LBHD1: variants seen among roughly 807,000 people sequenced by gnomAD.
LBHD1 encodes the protein LBH domain-containing protein 1.
LBHD1 carries 28 observed loss-of-function variants against 31.1 expected under a neutral mutation model. That is an observed-to-expected ratio of 0.90 (90% CI 0.67 to 1.24). LBHD1 has a LOEUF of 1.24. Ranked by LOEUF, LBHD1 falls within the 50% of genes most tolerant of loss-of-function variation. The pLI is 0.00. For synonymous variants in LBHD1, 105 were observed against 116.5 expected (o/e 0.90, Z 0.63); for missense variants, 350 against 323.0 (o/e 1.08, Z -0.64).
At chr11:62,665,299 C>T in intron 4 of LBHD1, 2 of 715,154 alleles carry the variant, frequency 2.8e-6, no homozygotes, top group South Asian at 1.6e-5. Context: ...AGGAGCTCCG[C>T]GGTGCGGGAG....
At chr11:62,667,969 G>C in intron 3 of LBHD1, 1 of 476,950 alleles carries the variant, frequency 2.1e-6, no homozygotes, top group Non-Finnish European at 3.8e-6. Flanking sequence ...TCAGGAGGCT[G>C]AGCTGGGAGG....
Position 62,671,751 on chromosome 11 carries a change from T to G in LBHD1, c.-198A>C. 1 of 1,613,608 alleles carries G rather than the reference T, an allele frequency of 6.2e-7. No homozygotes were observed. The highest frequency in any genetic ancestry group is 8.5e-7 in the Non-Finnish European group (1 of 1,179,804). On this transcript the variant is annotated 5_prime_UTR_variant, in exon 1 of 7. Transcript: ENST00000354588. ...CGCTGGCTGTGCAGGCGGCCATGGA[T>G]TCCTTGCGGAAAATGCTGATCTCAG...
At chr11:62,667,396 G>C in intron 4 of LBHD1, 127 bp downstream of exon 4, 3 of 947,462 alleles carry the variant, frequency 3.2e-6, no homozygotes, top group Non-Finnish European at 5.0e-6. Context: ...TGACTGACTT[G>C]TATAATCTAG....
Position 62,670,001 on chromosome 11 carries a change from C to A in LBHD1, c.31G>T (p.Asp11Tyr). 1 of 1,613,222 alleles carries A rather than the reference C, an allele frequency of 6.2e-7. No homozygotes were observed. The highest frequency in any genetic ancestry group is 2.2e-5 in the East Asian group (1 of 44,880). Residue 11 changes from aspartate (D) to tyrosine (Y), a missense_variant, in exon 2 of 7, where the codon GAT (aspartate) becomes TAT (tyrosine). Physicochemically the swap from Asp to Tyr is radical, Grantham distance 160 (BLOSUM62 -3). Coordinates refer to ENST00000354588, the MANE Select transcript of LBHD1 (RefSeq NM_024099.5). MALVPGRSKE[D>Y]GLWTRNSPGS... Reference sequence around the variant, plus strand: ...GGGCTATTTCTAGTCCAAAGCCCATCCTCCTTGCTTCTCCCTGGCACAAGG... The same window carrying A: ...GGGCTATTTCTAGTCCAAAGCCCATACTCCTTGCTTCTCCCTGGCACAAGG...
chr11:62,669,976 G>C lies in LBHD1; in HGVS notation c.56C>G (p.Pro19Arg). ...KEDGLWTRNS[P>R]GSSQHPESPR... ...ACTTTCTGGATGCTGGGAGGAGCCT[G>C]GGCTATTTCTAGTCCAAAGCCCATC... Residue 19 changes from proline to arginine, a missense_variant, in exon 2 of 7, where the codon CCA becomes CGA. Transcript: ENST00000354588. 1 of 1,614,004 alleles carries C rather than the reference G, an allele frequency of 6.2e-7. No individual in the cohort carries two copies. Among genetic ancestry groups the C allele is most frequent in the Non-Finnish European group, 8.5e-7 (1 of 1,180,038 alleles).
Position 62,664,479 on chromosome 11 carries a change from G to A in LBHD1, c.663+370C>T, listed in dbSNP as rs942804291. Among the ~76,000 whole-genome samples the A allele has an allele frequency of 2.0e-5, 3 of 151,642 alleles. No individual in the cohort carries two copies. The East Asian group carries it at 5.8e-4, about 29-fold the overall frequency. On this transcript the variant is annotated intron_variant, in intron 5 of 6. Transcript: ENST00000354588. The stretch of plus-strand genomic sequence containing the variant: ...CCGTGTAGCTGGGACTACAGGTGCC[G>A]GCCACAACGCCTGGCTAATTTTTGT...
At position 62,671,769 on chromosome 11, in the gene LBHD1, G is replaced by C; in HGVS notation, c.-216C>G. 1 of 1,614,060 alleles carries C rather than the reference G, an allele frequency of 6.2e-7. No homozygotes were observed. The highest frequency in any genetic ancestry group is 8.5e-7 in the Non-Finnish European group (1 of 1,179,990). Reference sequence around the variant, plus strand: ...CCATGGATTCCTTGCGGAAAATGCTGATCTCAGTCGCAATGCTGGGCGCAG... The same window carrying C: ...CCATGGATTCCTTGCGGAAAATGCTCATCTCAGTCGCAATGCTGGGCGCAG... On this transcript the variant is annotated 5_prime_UTR_variant, in exon 1 of 7. The change creates a new upstream start codon in the 5' untranslated region. Coordinates refer to ENST00000354588, the MANE Select transcript of LBHD1 (RefSeq NM_024099.5).
chr11:62,672,217 C>A lies in LBHD1; in HGVS notation c.-664G>T. The stretch of plus-strand genomic sequence containing the variant: ...CAGCGGAGAGTCCGGACCGAGATAC[C>A]ATGCCAGGACTCTCCGGGGTCCTGT... On this transcript the variant is annotated 5_prime_UTR_variant, in exon 1 of 7. An upstream start codon of the reference 5' UTR is lost. Coordinates refer to ENST00000354588, the MANE Select transcript of LBHD1 (RefSeq NM_024099.5). The A allele has an allele frequency of 8.4e-7, 1 of 1,193,880 alleles. No homozygotes were observed. Among genetic ancestry groups the A allele is most frequent in the Non-Finnish European group, 1.2e-6 (1 of 857,244 alleles). The allele number at this position is 1,193,880 out of a possible 1,614,324, so 74.0% of individuals were successfully genotyped here.
intron 4 of LBHD1, chr11:62,666,482 G>C (rs1422845975): frequency 6.2e-7 from 1 of 1,613,954 alleles, no homozygotes; most frequent in Admixed American, 1.7e-5. Context: ...CCCCACCTTC[G>C]ACTGGTTCTT....
In LBHD1 at chr11:62,667,591, G is replaced by A. The variant is rs1445232671; in HGVS notation, c.470C>T (p.Thr157Ile). 1.9e-6 allele frequency: 3 copies of A among 1,614,082 alleles called. No individual in the cohort carries two copies. Among genetic ancestry groups the A allele is most frequent in the Admixed American group, 1.7e-5 (1 of 59,988 alleles). Residue 157 changes from threonine to isoleucine, a missense_variant, in exon 4 of 7, where the codon ACA becomes ATA. Coordinates refer to ENST00000354588, the MANE Select transcript of LBHD1 (RefSeq NM_024099.5). The part of the protein sequence containing the change: ...ATNHCPFWDS[T>I]GSRVCRSGFV... ...GCCACTTCTACAAACACGGGAGCCT[G>A]TTGAGTCCCAGAAGGGACAGTGGTT...
intron 4 of LBHD1, chr11:62,666,022 C>A: frequency 1.3e-6 from 2 of 1,483,912 alleles, no homozygotes; most frequent in South Asian, 1.2e-5. Context: ...CCTCGTGAGT[C>A]AGGAGTGTAG....
chr11:62,664,533 G>T (rs1944741673), intron 5 of LBHD1, among the ~76,000 whole-genome samples: 1 of 152,016 alleles, frequency 6.6e-6, no homozygotes, highest in East Asian at 1.9e-4. Context: ...GTTTCACCAT[G>T]TTGGTCAGGC....
At chr11:62,665,422 C>A in intron 4 of LBHD1, 1 of 1,506,974 alleles carries the variant, frequency 6.6e-7, no homozygotes, top group Non-Finnish European at 9.0e-7. Flanking sequence ...GTCTCAGGAC[C>A]CTCCTTTTCT....
At chr11:62,666,716 TGCCCTG>T (rs764336072) in intron 4 of LBHD1, 7 of 1,613,944 alleles carry the variant, frequency 4.3e-6, no homozygotes, top group Non-Finnish European at 5.9e-6. Context: ...AACACCTCTA[TGCCCTG>T]GACACCCTGC....
Position 62,665,569 on chromosome 11 carries a change from C to T in LBHD1, c.539-596G>A, listed in dbSNP as rs748597527. On this transcript the variant is annotated intron_variant, in intron 4 of 6. Coordinates refer to ENST00000354588, the MANE Select transcript of LBHD1 (RefSeq NM_024099.5). Reference sequence around the variant, plus strand: ...GTTCTATCCTCAAACGCCGGGACACCGGGAATCTCGGAGAAGGACAACCGA... The same window carrying T: ...GTTCTATCCTCAAACGCCGGGACACTGGGAATCTCGGAGAAGGACAACCGA... The T allele has an allele frequency of 4.5e-6, 7 of 1,567,910 alleles. No homozygotes were observed. The East Asian group carries it at 1.6e-4, about 37-fold the overall frequency.
In LBHD1 at chr11:62,664,799, G is replaced by A. The variant is rs1453571765; in HGVS notation, c.663+50C>T. 9 of 1,548,174 alleles carry A rather than the reference G, an allele frequency of 5.8e-6. No individual in the cohort carries two copies. The South Asian group carries it at 5.9e-5, about 10-fold the overall frequency. On this transcript the variant is annotated intron_variant, in intron 5 of 6. Coordinates refer to ENST00000354588, the MANE Select transcript of LBHD1 (RefSeq NM_024099.5). ...AGCTGCTCCGGAGCTCTGCAGGGAG[G>A]AAGGAAGACTCGGTGGGGACGACCA...
At chr11:62,665,109 G>T in intron 4 of LBHD1, 136 bp from the exon 5 acceptor site, 2 of 1,327,706 alleles carry the variant, frequency 1.5e-6, no homozygotes, top group Non-Finnish European at 2.1e-6. Context: ...AGGAAACAAA[G>T]TCGCGGCCCC....
At chr11:62,665,753 G>T in intron 4 of LBHD1, 1 of 1,497,506 alleles carries the variant, frequency 6.7e-7, no homozygotes. Flanking sequence ...CAGAGTTCGG[G>T]GAAGCTGTAC....
At chr11:62,664,221 C>T (rs1310605901) in intron 5 of LBHD1, among the ~76,000 whole-genome samples, 2 of 151,560 alleles carry the variant, frequency 1.3e-5, no homozygotes, top group African/African-American at 4.9e-5. Flanking sequence ...TTTTATGCGC[C>T]TATGTGTGCA....
Sources: allele counts gnomAD v4.1 joint callset (sites outside exome capture counted in the v4.1 genomes callset), GRCh38; gene constraint gnomAD v4.1.1; transcripts MANE v1.5; gene names NCBI Gene and HGNC (gene_info 2026-07-23, HGNC 2026-07-21).